Variants in CNTN5 observed in about 807,000 individuals in gnomAD.
CNTN5 encodes contactin 5, also known as contactin-5.
A neutral mutation model predicts 129.1 loss-of-function variants in CNTN5; 77 were observed. The ratio of observed to expected loss-of-function variants is 0.60; its 90% confidence interval spans 0.50 to 0.72. The LOEUF is 0.72. CNTN5 is among the 30% of genes least tolerant of loss of function. The probability of loss-of-function intolerance (pLI) is 0.00; values close to 1 mark genes in which losing one functional copy is unlikely to be tolerated. For missense variants in CNTN5, 1,478 were observed against 1,328.8 expected, an observed-to-expected ratio of 1.11 and a Z score of -1.75; for synonymous variants, 509 against 465.6, an observed-to-expected ratio of 1.09 and a Z score of -1.20.
At chr11:99,619,981 G>C (rs1415318675) in intron 3 of CNTN5, among the ~76,000 whole-genome samples, 1 of 138,130 alleles carries the variant, frequency 7.2e-6, no homozygotes, top group Non-Finnish European at 1.5e-5. Flanking sequence ...AGCCGAGATC[G>C]TGCCACTGCA....
intron 3 of CNTN5, among the ~76,000 whole-genome samples, chr11:99,695,680 C>G (rs572879310): frequency 6.6e-6 from 1 of 151,818 alleles, no homozygotes. Flanking sequence ...TGAGACCAAC[C>G]TGGGCAACGT....
chr11:100,180,771 C>T (rs1454224999), intron 13 of CNTN5, among the ~76,000 whole-genome samples: 13 of 151,904 alleles, frequency 8.6e-5, no homozygotes, highest in Non-Finnish European at 1.3e-4. Flanking sequence ...GTACTCTCAA[C>T]ACTTATCAGG....
chr11:100,141,323 G>A (rs1946691823), intron 13 of CNTN5, among the ~76,000 whole-genome samples: 1 of 152,122 alleles, frequency 6.6e-6, no homozygotes, highest in African/African-American at 2.4e-5. Flanking sequence ...AAGGCAGAAA[G>A]TGTTGACGAG....
intron 3 of CNTN5, among the ~76,000 whole-genome samples, chr11:99,667,721 C>T (rs1187140971): frequency 6.6e-6 from 1 of 152,156 alleles, no homozygotes; most frequent in African/African-American, 2.4e-5. Context: ...CACATGTTCT[C>T]ACTCATAAGT....
intron 1 of CNTN5, among the ~76,000 whole-genome samples, chr11:99,238,750 A>G (rs994703972): frequency 1.9e-4 from 29 of 152,282 alleles, no homozygotes; most frequent in African/African-American, 7.0e-4. Context: ...TATTCTATCT[A>G]CATACAAGTG....
At chr11:99,783,942 C>A (rs1176723739) in intron 3 of CNTN5, among the ~76,000 whole-genome samples, 1 of 151,538 alleles carries the variant, frequency 6.6e-6, no homozygotes, top group Non-Finnish European at 1.5e-5. Flanking sequence ...GCACAATGTG[C>A]ACATGTACCC....
chr11:99,521,103 T>C (rs1004312632), intron 2 of CNTN5, among the ~76,000 whole-genome samples: 1 of 152,284 alleles, frequency 6.6e-6, no homozygotes, highest in African/African-American at 2.4e-5. Context: ...CAGTAAGCTT[T>C]CCACTATGGG....
intron 1 of CNTN5, among the ~76,000 whole-genome samples, chr11:99,278,061 G>A (rs550837297): frequency 1.3e-5 from 2 of 151,736 alleles, no homozygotes; most frequent in South Asian, 4.2e-4. Context: ...AGCAAAGCCT[G>A]TTTCCGACTC....
chr11:99,570,025 A>G (rs1949127660), intron 3 of CNTN5, among the ~76,000 whole-genome samples: 1 of 152,022 alleles, frequency 6.6e-6, no homozygotes, highest in Admixed American at 6.6e-5. Context: ...AAGGTAAGAT[A>G]TTTGAATAGT....
chr11:99,512,480 C>G (rs1946875659), intron 2 of CNTN5, among the ~76,000 whole-genome samples: 1 of 152,110 alleles, frequency 6.6e-6, no homozygotes, highest in Non-Finnish European at 1.5e-5. Flanking sequence ...ATAGGCATAC[C>G]TTGCTTTATT....
At chr11:99,479,385 C>T (rs1226703753) in intron 2 of CNTN5, among the ~76,000 whole-genome samples, 5 of 151,384 alleles carry the variant, frequency 3.3e-5, no homozygotes, top group Non-Finnish European at 7.4e-5. Flanking sequence ...TAATACAGTT[C>T]TGAAAAAAAG....
intron 10 of CNTN5, among the ~76,000 whole-genome samples, chr11:100,068,062 T>G (rs1358413066): frequency 2.0e-5 from 3 of 152,078 alleles, no homozygotes; most frequent in Non-Finnish European, 4.4e-5. Context: ...AAATCTCTTT[T>G]GAAGTTATTT....
chr11:100,103,920 T>C (rs1945321052), intron 13 of CNTN5, among the ~76,000 whole-genome samples: 1 of 152,132 alleles, frequency 6.6e-6, no homozygotes, highest in Non-Finnish European at 1.5e-5. Context: ...AGCAGATAAA[T>C]GTAAAGATTG....
intron 21 of CNTN5, chr11:100,337,344 A>T: frequency 1.2e-6 from 1 of 848,538 alleles, no homozygotes; most frequent in Non-Finnish European, 2.1e-6. Context: ...GAAGTGATCG[A>T]TGCACACATG....
At chr11:100,167,931 C>A (rs746718916) in intron 13 of CNTN5, among the ~76,000 whole-genome samples, 16 of 151,932 alleles carry the variant, frequency 1.1e-4, no homozygotes, top group Non-Finnish European at 1.8e-4. Flanking sequence ...ATTGAATACA[C>A]AAATGATAAG....
chr11:99,536,781 T>G (rs1947915543), intron 2 of CNTN5, among the ~76,000 whole-genome samples: 1 of 150,858 alleles, frequency 6.6e-6, no homozygotes, highest in East Asian at 1.9e-4. Context: ...TAGGAAGTCC[T>G]GCCCAATAGA....
intron 2 of CNTN5, among the ~76,000 whole-genome samples, chr11:99,374,904 T>G (rs1365461139): frequency 6.6e-6 from 1 of 152,166 alleles, no homozygotes; most frequent in East Asian, 1.9e-4. Context: ...CAAATGGCCA[T>G]GGAACATCCA....
intron 2 of CNTN5, among the ~76,000 whole-genome samples, chr11:99,389,469 C>T (rs562669766): frequency 6.6e-6 from 1 of 152,136 alleles, no homozygotes; most frequent in Non-Finnish European, 1.5e-5. Flanking sequence ...GGAGCCTGTT[C>T]TAGATTTTTG....
intron 6 of CNTN5, among the ~76,000 whole-genome samples, chr11:99,859,409 T>A (rs1435967637): frequency 2.0e-5 from 3 of 152,238 alleles, no homozygotes; most frequent in Non-Finnish European, 2.9e-5. Context: ...GTTTGTTACC[T>A]GGGTACATTG....
Sources: allele counts gnomAD v4.1 joint callset (sites outside exome capture counted in the v4.1 genomes callset), GRCh38; gene constraint gnomAD v4.1.1; transcripts MANE v1.5; gene names NCBI Gene and HGNC (gene_info 2026-07-23, HGNC 2026-07-21).